Variants in NAV2 observed in about 807,000 individuals in gnomAD.
The protein encoded by NAV2 is neuron navigator 2.
A neutral mutation model predicts 223.2 loss-of-function variants in NAV2; 54 were observed. That is an observed-to-expected ratio of 0.24 (90% CI 0.19 to 0.30). The LOEUF is 0.30. Among genes scored for constraint, NAV2 ranks in the 10% least tolerant of loss-of-function variants. The pLI, the probability that NAV2 is intolerant of heterozygous loss-of-function variation, is 1.00. For missense variants in NAV2, 2,806 were observed against 3,147.5 expected, an observed-to-expected ratio of 0.89 and a Z score of 2.60; for synonymous variants, 1,279 against 1,239.3, an observed-to-expected ratio of 1.03 and a Z score of -0.67.
At chr11:19,965,193 G>A (rs1327651351) in intron 10 of NAV2, among the ~76,000 whole-genome samples, 1 of 152,084 alleles carries the variant, frequency 6.6e-6, no homozygotes, top group Non-Finnish European at 1.5e-5. Flanking sequence ...TTGGGGGGGC[G>A]GGGCCACTGG....
intron 6 of NAV2, among the ~76,000 whole-genome samples, chr11:19,928,587 A>T (rs911946121): frequency 6.6e-6 from 1 of 152,122 alleles, no homozygotes; most frequent in African/African-American, 2.4e-5. Context: ...CTTCCCCCAA[A>T]CTGGTTTTCA....
chr11:19,473,967 G>C (rs1017697955), intron 1 of NAV2, among the ~76,000 whole-genome samples: 1 of 152,150 alleles, frequency 6.6e-6, no homozygotes, highest in African/African-American at 2.4e-5. Context: ...CTAGCTCCAG[G>C]GGTCCTCATC....
intron 1 of NAV2, among the ~76,000 whole-genome samples, chr11:19,382,301 G>A (rs1354517441): frequency 6.6e-6 from 1 of 152,138 alleles, no homozygotes; most frequent in African/African-American, 2.4e-5. Flanking sequence ...TTTTTCTTTC[G>A]GCCCATGCTG....
intron 1 of NAV2, among the ~76,000 whole-genome samples, chr11:19,794,677 G>T (rs916495541): frequency 6.6e-6 from 1 of 152,014 alleles, no homozygotes; most frequent in African/African-American, 2.4e-5. Flanking sequence ...TTCCTGTTAT[G>T]CCCTCTTGTG....
At chr11:19,427,010 T>G (rs530865256) in intron 1 of NAV2, among the ~76,000 whole-genome samples, 2 of 152,284 alleles carry the variant, frequency 1.3e-5, no homozygotes, top group South Asian at 4.1e-4. Flanking sequence ...ATCCCTGGCA[T>G]GGCACCCTGC....
At chr11:19,743,422 G>A (rs1325805499) in intron 1 of NAV2, among the ~76,000 whole-genome samples, 1 of 152,210 alleles carries the variant, frequency 6.6e-6, no homozygotes, top group Non-Finnish European at 1.5e-5. Context: ...TCCAGGGTGG[G>A]TGAAGCACTG....
At chr11:20,039,497 C>A (rs1213604065) in intron 12 of NAV2, among the ~76,000 whole-genome samples, 4 of 152,172 alleles carry the variant, frequency 2.6e-5, no homozygotes, top group Non-Finnish European at 5.9e-5. Context: ...AACTGTTCCT[C>A]TGCCTCCAGC....
At chr11:20,037,884 C>T (rs1004246070) in intron 12 of NAV2, among the ~76,000 whole-genome samples, 1 of 150,372 alleles carries the variant, frequency 6.7e-6, no homozygotes, top group Non-Finnish European at 1.5e-5. Flanking sequence ...AAGATAAGAA[C>T]AACCAGACTG....
At chr11:19,490,741 T>A (rs917109448) in intron 1 of NAV2, among the ~76,000 whole-genome samples, 2 of 152,228 alleles carry the variant, frequency 1.3e-5, no homozygotes, top group Non-Finnish European at 2.9e-5. Flanking sequence ...CTCCCATGAA[T>A]CATGAATGTT....
intron 6 of NAV2, among the ~76,000 whole-genome samples, chr11:19,895,104 C>CTTTTTTT (rs71050690): frequency 6.9e-4 from 68 of 99,226 alleles, no homozygotes; most frequent in Non-Finnish European, 9.3e-4. Context: ...CTTTTTCTTT[C>CTTTTTTT]TTTTTTTTTT....
intron 4 of NAV2, among the ~76,000 whole-genome samples, chr11:19,876,791 G>T (rs578075407): frequency 2.1e-4 from 32 of 150,690 alleles, no homozygotes; most frequent in Non-Finnish European, 3.5e-4. Context: ...TTCCTCTCCT[G>T]TTTTTTCTTG....
At chr11:19,776,609 G>GGTTAGAGTTGTGGGGGTCAGTGT (rs2056203681) in intron 1 of NAV2, among the ~76,000 whole-genome samples, 1 of 69,640 alleles carries the variant, frequency 1.4e-5, no homozygotes, top group African/African-American at 6.3e-5. Context: ...TGTGTGTGTG[G>GGTTAGAGTTGTGGGGGTCAGTGT]TTAGAGTTGT....
intron 1 of NAV2, among the ~76,000 whole-genome samples, chr11:19,478,854 T>C (rs1441921357): frequency 6.6e-6 from 1 of 152,222 alleles, no homozygotes; most frequent in Non-Finnish European, 1.5e-5. Context: ...CAATGTCTAT[T>C]TTAGAAACGA....
In NAV2 at chr11:19,713,969, G is replaced by A. The variant is rs2050055701; in HGVS notation, c.267+7G>A. On this transcript the variant is annotated splice_region_variant and intron_variant, in intron 1 of 37. Transcript: ENST00000349880. This position sits in a 1 kb window ranked among gnomAD's most constrained non-coding sequence, Gnocchi z 7.2. ...AAACGGGTTCGATACCCAGGTGAGA[G>A]ATGCCGTTTGCCGGGGTACTGTTCT... 6.2e-7 allele frequency: 1 copy of A among 1,612,684 alleles called. No individual in the cohort carries two copies. Among genetic ancestry groups the A allele is most frequent in the Non-Finnish European group, 8.5e-7 (1 of 1,179,716 alleles).
At chr11:19,550,483 A>C (rs2044654992) in intron 1 of NAV2, among the ~76,000 whole-genome samples, 1 of 152,214 alleles carries the variant, frequency 6.6e-6, no homozygotes, top group Non-Finnish European at 1.5e-5. Flanking sequence ...AGGCCCACAG[A>C]GGTCAAGGGG....
chr11:19,994,543 T>C (rs1273406018), intron 11 of NAV2, among the ~76,000 whole-genome samples: 1 of 142,750 alleles, frequency 7.0e-6, no homozygotes, highest in Non-Finnish European at 1.5e-5. Context: ...CAAAAAACTC[T>C]GTCTCAAAGA....
intron 1 of NAV2, among the ~76,000 whole-genome samples, chr11:19,382,424 T>C (rs1158717158): frequency 6.6e-6 from 1 of 152,106 alleles, no homozygotes; most frequent in Non-Finnish European, 1.5e-5. Context: ...CCTTGATGAA[T>C]TGGAACTTGT....
chr11:20,095,172 T>G (rs1279696776), intron 29 of NAV2, among the ~76,000 whole-genome samples: 2 of 152,162 alleles, frequency 1.3e-5, no homozygotes, highest in Non-Finnish European at 2.9e-5. Context: ...GGAGGTAAAC[T>G]TGATATGCAA....
At position 20,022,684 on chromosome 11, in the gene NAV2, C is replaced by T. The variant is rs934649935; in HGVS notation, c.2769-13275C>T. The T allele has an allele frequency of 2.4e-5, 24 of 1,001,576 alleles. No homozygotes were observed. In the African/African-American group the frequency reaches 3.8e-4, roughly 16 times the overall value. 62.0% of individuals were successfully genotyped at this position (1,001,576 alleles called of 1,614,324 possible). On this transcript the variant is annotated intron_variant, in intron 11 of 37. Transcript: ENST00000349880. Reference sequence around the variant, plus strand: ...AAAGACTTTCTGCAATGTTTCTGTGCAGTCTGTGAGGATTTAAAGTAGTTT... The same window carrying T: ...AAAGACTTTCTGCAATGTTTCTGTGTAGTCTGTGAGGATTTAAAGTAGTTT...
Sources: allele counts gnomAD v4.1 joint callset (sites outside exome capture counted in the v4.1 genomes callset), GRCh38; gene constraint gnomAD v4.1.1; non-coding constraint Gnocchi (gnomAD v3.1); transcripts MANE v1.5; gene names NCBI Gene and HGNC (gene_info 2026-07-23, HGNC 2026-07-21).